Variants in BACH2 observed in about 807,000 individuals in gnomAD.
BACH2 encodes transcription regulator protein BACH2.
BACH2 carries 5 observed loss-of-function variants against 61.8 expected under a neutral mutation model. The ratio of observed to expected loss-of-function variants is 0.08; its 90% CI spans 0.04 to 0.17. The LOEUF (loss-of-function observed/expected upper bound fraction) is 0.17, where lower values mean the gene tolerates loss of function less well. BACH2 is among the 10% of genes least tolerant of loss of function. BACH2 has a pLI of 1.00. For synonymous variants in BACH2, 446 were observed against 440.1 expected (o/e 1.01, Z -0.17); for missense variants, 824 against 1,091.1 (o/e 0.76, Z 3.45).
chr6:90,176,721 A>G (rs538371377), intron 4 of BACH2, among the ~76,000 whole-genome samples: 46 of 152,230 alleles, frequency 3.0e-4, no homozygotes, highest in African/African-American at 1.0e-3. Flanking sequence ...TTGGTGACAG[A>G]GTCCAATTGC....
At chr6:90,033,351 TAAAAA>T (rs57759686) in intron 5 of BACH2, among the ~76,000 whole-genome samples, 4 of 83,384 alleles carry the variant, frequency 4.8e-5, no homozygotes, top group African/African-American at 1.6e-4. Flanking sequence ...GAAACTTAAA[TAAAAA>T]AAAAAAAAAA....
At chr6:90,068,168 C>T (rs117670960) in intron 5 of BACH2, among the ~76,000 whole-genome samples, 2,808 of 152,238 alleles carry the variant, frequency 0.018, 34 homozygotes, top group Middle Eastern at 0.044. Context: ...GTGAAAGTAT[C>T]AAACATCCCA....
intron 4 of BACH2, among the ~76,000 whole-genome samples, chr6:90,111,967 G>A (rs890461060): frequency 7.3e-4 from 111 of 152,304 alleles, no homozygotes; most frequent in African/African-American, 2.5e-3. Flanking sequence ...TCTGCATACT[G>A]CAAAATATAC....
At chr6:90,109,882 G>C (rs904306781) in intron 4 of BACH2, among the ~76,000 whole-genome samples, 3 of 152,124 alleles carry the variant, frequency 2.0e-5, no homozygotes, top group Admixed American at 1.3e-4. Context: ...TTGATTATGT[G>C]GGTTATAGCT....
chr6:89,947,456 C>T (rs1773795696), intron 7 of BACH2, among the ~76,000 whole-genome samples: 1 of 152,226 alleles, frequency 6.6e-6, no homozygotes, highest in East Asian at 1.9e-4. Context: ...TTTACTGTAA[C>T]TGTCCTGTCC....
At chr6:89,960,451 C>A (rs980214551) in intron 6 of BACH2, among the ~76,000 whole-genome samples, 1 of 152,198 alleles carries the variant, frequency 6.6e-6, no homozygotes, top group Non-Finnish European at 1.5e-5. Flanking sequence ...CATATGGAAA[C>A]ATGTTATTGT....
intron 4 of BACH2, among the ~76,000 whole-genome samples, chr6:90,104,010 G>C (rs764402135): frequency 2.0e-5 from 3 of 152,282 alleles, no homozygotes; most frequent in Non-Finnish European, 4.4e-5. Flanking sequence ...CCGACAAAGT[G>C]GCAAAGAGGG....
chr6:89,981,036 T>C (rs1582135287), intron 6 of BACH2, among the ~76,000 whole-genome samples: 1 of 152,118 alleles, frequency 6.6e-6, no homozygotes, highest in Admixed American at 6.6e-5. Context: ...TAGATATTGG[T>C]ATTTTGGGAA....
intron 4 of BACH2, among the ~76,000 whole-genome samples, chr6:90,113,879 G>A (rs1050036651): frequency 6.6e-6 from 1 of 151,876 alleles, no homozygotes; most frequent in Non-Finnish European, 1.5e-5. Flanking sequence ...CATCAGAAAC[G>A]ATTACAAACA....
chr6:89,936,979 AAGG>A lies in BACH2; in HGVS notation c.2043+1162_2043+1164del, dbSNP rs1394381734. Among the ~76,000 whole-genome samples the A allele has an allele frequency of 5.3e-5, 8 of 152,022 alleles. No individual in the cohort carries two copies. The East Asian group carries it at 1.6e-3, about 30-fold the overall frequency. ...ATTTGGTGGCAGAAAGGTGGAGCTG[AAGG>A]AGGTTGAGTTGGTTGTCTTCAAAGC... On this transcript the variant is annotated intron_variant, in intron 8 of 8. Transcript: ENST00000257749.
intron 4 of BACH2, among the ~76,000 whole-genome samples, chr6:90,104,015 A>C (rs1441182614): frequency 2.6e-5 from 4 of 152,216 alleles, no homozygotes; most frequent in Admixed American, 6.5e-5. Flanking sequence ...AAAGTGGCAA[A>C]GAGGGGGCCA....
intron 5 of BACH2, among the ~76,000 whole-genome samples, chr6:90,030,759 G>A (rs575711632): frequency 1.4e-4 from 22 of 151,914 alleles, no homozygotes; most frequent in East Asian, 1.4e-3. Flanking sequence ...ATTCACAGCC[G>A]AATTCTACCA....
At chr6:89,975,705 G>C (rs1476186632) in intron 6 of BACH2, among the ~76,000 whole-genome samples, 1 of 152,180 alleles carries the variant, frequency 6.6e-6, no homozygotes, top group Non-Finnish European at 1.5e-5. Flanking sequence ...AGCCCAAACA[G>C]AGATAACTCT....
At chr6:90,050,416 C>T (rs1562400668) in intron 5 of BACH2, among the ~76,000 whole-genome samples, 2 of 152,104 alleles carry the variant, frequency 1.3e-5, no homozygotes, top group African/African-American at 4.8e-5. Flanking sequence ...TTTGAAAAAC[C>T]TATTAACTCT....
intron 4 of BACH2, among the ~76,000 whole-genome samples, chr6:90,145,328 AAC>A (rs1784581009): frequency 2.0e-5 from 3 of 152,264 alleles, no homozygotes; most frequent in Admixed American, 2.0e-4. Flanking sequence ...TAAGTGCTGA[AAC>A]ACAGACAAAG....
chr6:90,106,844 C>T (rs1166645680), intron 4 of BACH2, among the ~76,000 whole-genome samples: 3 of 152,192 alleles, frequency 2.0e-5, no homozygotes, highest in African/African-American at 7.2e-5. Context: ...TCCTTGTAGC[C>T]TAAAAACACT....
chr6:89,973,459 C>T (rs1158064770), intron 6 of BACH2, among the ~76,000 whole-genome samples: 1 of 152,134 alleles, frequency 6.6e-6, no homozygotes, highest in Non-Finnish European at 1.5e-5. Flanking sequence ...CCACTTGGAC[C>T]TTTAGAAGCT....
intron 6 of BACH2, among the ~76,000 whole-genome samples, chr6:89,998,098 TTG>T (rs1386553198): frequency 1.3e-5 from 2 of 152,218 alleles, no homozygotes; most frequent in Non-Finnish European, 2.9e-5. Context: ...AGGCCTGTAA[TTG>T]TGACCTTCTG....
intron 3 of BACH2, among the ~76,000 whole-genome samples, chr6:90,223,920 A>C (rs1769826073): frequency 6.6e-6 from 1 of 152,242 alleles, no homozygotes; most frequent in South Asian, 2.1e-4. Context: ...ATTTTCAGAC[A>C]AATCTCTCGC....
Sources: allele counts gnomAD v4.1 joint callset (sites outside exome capture counted in the v4.1 genomes callset), GRCh38; gene constraint gnomAD v4.1.1; transcripts MANE v1.5; gene names NCBI Gene and HGNC (gene_info 2026-07-23, HGNC 2026-07-21).